Variants in LYST observed in about 807,000 individuals in gnomAD.
LYST encodes lysosomal-trafficking regulator.
Under a neutral mutation model 413.6 loss-of-function variants are expected in LYST, and 192 were observed. The observed-to-expected ratio is 0.46, with a 90% CI of 0.41 to 0.52. The LOEUF is 0.52. Ranked by LOEUF, LYST falls within the 20% of genes least tolerant of loss-of-function variation. The pLI is 0.00. For missense variants in LYST, 3,815 were observed against 4,499.9 expected, an observed-to-expected ratio of 0.85 and a Z score of 4.35; for synonymous variants, 1,525 against 1,567.3, an observed-to-expected ratio of 0.97 and a Z score of 0.64.
intron 48 of LYST, among the ~76,000 whole-genome samples, chr1:235,681,854 T>A (rs918761274): frequency 7.2e-5 from 11 of 152,186 alleles, no homozygotes; most frequent in African/African-American, 2.7e-4. Flanking sequence ...TTCTATTTTA[T>A]ATTCTGTGTA....
upstream of LYST, among the ~76,000 whole-genome samples, chr1:235,869,044 A>G (rs997705944): frequency 6.6e-6 from 1 of 152,246 alleles, no homozygotes; most frequent in Non-Finnish European, 1.5e-5. Flanking sequence ...TTTATTCAAT[A>G]GTATCTTAGA....
intron 1 of LYST, among the ~76,000 whole-genome samples, chr1:235,858,062 T>C (rs1220453049): frequency 6.6e-6 from 1 of 152,218 alleles, no homozygotes; most frequent in African/African-American, 2.4e-5. Flanking sequence ...AGAAGCTATA[T>C]ATTCTGGGGA....
At position 235,806,452 on chromosome 1, in the gene LYST, A is replaced by T; in HGVS notation, c.2684T>A (p.Ile895Asn). Residue 895 changes from isoleucine to asparagine, a missense_variant, in exon 6 of 53, where the codon ATC becomes AAC. Around this residue, in one of 4 missense-constraint regions of LYST, gnomAD observed 1,648 missense variants for 1,810.3 expected, o/e 0.91. Transcript: ENST00000389793. ...ACAGAGGAATAGGTTTATTGTGTTG[A>T]TATGAACATCTTGGTTAACAGTCTT... ...RRKTVNQDVH[I>N]NTINLFLCVA... 6.2e-7 allele frequency: 1 copy of T among 1,614,086 alleles called. No individual in the cohort carries two copies.
chr1:235,712,999 C>T, intron 42 of LYST: 1 of 985,382 alleles, frequency 1.0e-6, no homozygotes, highest in South Asian at 4.7e-5. Flanking sequence ...TAAAACTCCT[C>T]TGAACTTGTT....
chr1:235,857,148 T>A (rs897709952), intron 1 of LYST, among the ~76,000 whole-genome samples: 1 of 152,144 alleles, frequency 6.6e-6, no homozygotes, highest in African/African-American at 2.4e-5. Flanking sequence ...GGTTTCACCA[T>A]GTTGGCCAGG....
At chr1:235,819,732 G>T (rs772065981) in intron 3 of LYST, among the ~76,000 whole-genome samples, 1 of 152,098 alleles carries the variant, frequency 6.6e-6, no homozygotes, top group Non-Finnish European at 1.5e-5. Flanking sequence ...TGCAAGCTCT[G>T]CCTCCCAGGT....
intron 10 of LYST, among the ~76,000 whole-genome samples, chr1:235,796,557 CAAGTTGA>C (rs1234610954): frequency 4.6e-5 from 7 of 152,276 alleles, no homozygotes; most frequent in Admixed American, 2.0e-4. Flanking sequence ...CTCCAAAACT[CAAGTTGA>C]AATTTGGTTG....
intron 1 of LYST, among the ~76,000 whole-genome samples, chr1:235,873,859 C>G (rs1681036183): frequency 6.6e-6 from 1 of 152,216 alleles, no homozygotes; most frequent in South Asian, 2.1e-4. Context: ...ATTTGAAATA[C>G]AGGTTTCCTA....
intron 14 of LYST, among the ~76,000 whole-genome samples, chr1:235,786,816 G>A (rs1022023528): frequency 2.0e-5 from 3 of 147,230 alleles, no homozygotes; most frequent in Admixed American, 7.0e-5. Context: ...ACCAAACACC[G>A]CATGTTCTCA....
rs148445520 is a variant in LYST, at chr1:235,674,656, C to T, written c.11038+2435G>A. ...AAAGGAATAGCTGAACAATTAGGTC[C>T]TACCAGTCAGATGGCTTAGGAAAAT... On this transcript the variant is annotated intron_variant, in intron 50 of 52. Transcript: ENST00000389793. The surrounding 1 kb of genome is among the most constrained non-coding windows in gnomAD (Gnocchi z 4.1). 1.0e-3 allele frequency among the ~76,000 whole-genome samples: 159 copies of T among 152,208 alleles called. No homozygotes were observed. The highest frequency in any genetic ancestry group is 3.6e-3 in the African/African-American group (149 of 41,518).
At position 235,721,423 on chromosome 1, in the gene LYST, T is replaced by C. The variant is rs112405035; in HGVS notation, c.9316-518A>G. Among the ~76,000 whole-genome samples the C allele has an allele frequency of 4.6e-3, 703 of 152,310 alleles. 1 individual carries two copies. The highest frequency in any genetic ancestry group is 7.7e-3 in the Non-Finnish European group (523 of 68,028). ...ATTTTCACTACTGATTGAAAACATA[T>C]ATAAACTCTTTTTTAGAGATTCACA... On this transcript the variant is annotated intron_variant, in intron 39 of 52. Coordinates refer to ENST00000389793, the MANE Select transcript of LYST (RefSeq NM_000081.4).
intron 37 of LYST, among the ~76,000 whole-genome samples, chr1:235,728,843 T>G (rs997291626): frequency 6.6e-5 from 10 of 152,196 alleles, no homozygotes; most frequent in Admixed American, 1.3e-4. Flanking sequence ...TCTTGGACCT[T>G]GGAGGCTATA....
Position 235,661,910 on chromosome 1 carries a change from C to G in LYST, c.*1030G>C, listed in dbSNP as rs377030326. The G allele has an allele frequency of 1.3e-5, 2 of 152,358 alleles. No homozygotes were observed. The highest frequency in any genetic ancestry group is 2.9e-5 in the Non-Finnish European group (2 of 68,022). The allele number at this position is 152,358 out of a possible 1,614,324, so 9.4% of individuals were successfully genotyped here. Reference sequence around the variant, plus strand: ...AATACACGAGATTTTATTATTCTTCCTAGAATTCTCAGATGGTATAGGTTA... The same window carrying G: ...AATACACGAGATTTTATTATTCTTCGTAGAATTCTCAGATGGTATAGGTTA... On this transcript the variant is annotated 3_prime_UTR_variant, in exon 53 of 53. Coordinates refer to ENST00000389793, the MANE Select transcript of LYST (RefSeq NM_000081.4).
Position 235,693,384 on chromosome 1 carries a change from G to A in LYST, c.10667C>T (p.Pro3556Leu). 6.2e-7 allele frequency: 1 copy of A among 1,612,920 alleles called. No individual in the cohort carries two copies. Among genetic ancestry groups the A allele is most frequent in the South Asian group, 1.1e-5 (1 of 91,040 alleles). The change falls in exon 47 of 53, where the codon CCA becomes CTA. Residue 3556 changes from proline to leucine, a missense_variant. Around this residue, in one of 4 missense-constraint regions of LYST, gnomAD observed 866 missense variants for 1,156.0 expected, o/e 0.75. Transcript: ENST00000389793. ...LRLKSKQSEP[P>L]VNFIQSSQQY... ...TTGTGAACTTTGAATAAAGTTTACT[G>A]GAGGCTCACTTTGTTTACTCTTCAA...
chr1:235,741,444 T>C lies in LYST; in HGVS notation c.8336A>G (p.Asp2779Gly). 1.2e-6 allele frequency: 2 copies of C among 1,614,028 alleles called. No individual in the cohort carries two copies. The highest frequency in any genetic ancestry group is 1.7e-6 in the Non-Finnish European group (2 of 1,179,920). The change falls in exon 31 of 53, where the codon GAC (aspartate) becomes GGC (glycine). Residue 2779 changes from aspartate to glycine, a missense_variant. Asp to Gly is a moderately conservative substitution (Grantham distance 94). Around this residue, in one of 4 missense-constraint regions of LYST, gnomAD observed 771 missense variants for 837.1 expected, o/e 0.92. Coordinates refer to ENST00000389793, the MANE Select transcript of LYST (RefSeq NM_000081.4). The stretch of plus-strand genomic sequence containing the variant: ...TACTTGTAGGGATGGGCTGAGACAG[T>C]CTCGTAGTATTTCCTGATGATTTGG... Reference protein sequence around the residue: ...HEPNHQEILRDCLSPSLQHGA... With the variant: ...HEPNHQEILRGCLSPSLQHGA...
chr1:235,871,466 A>C (rs1250965087), upstream of LYST, among the ~76,000 whole-genome samples: 2 of 152,258 alleles, frequency 1.3e-5, no homozygotes, highest in African/African-American at 4.8e-5. Flanking sequence ...GAAATGTCCT[A>C]GTACTTTAAG....
In LYST at chr1:235,751,229, T is replaced by C. The variant is rs139917441; in HGVS notation, c.7761A>G (p.Gln2587=). The C allele has an allele frequency of 7.4e-6, 12 of 1,613,782 alleles. No homozygotes were observed. The highest frequency in any genetic ancestry group is 1.6e-4 in the Middle Eastern group (1 of 6,082). ...ACTCGCCAGCAATGCTTTTCCGCTT[T>C]TGAACTACTGCATGATGGGGAGCAG... is the stretch of plus-strand genomic sequence containing the variant. ...SPSAPHHAVV[Q]KRKSIAGPRK... The change falls in exon 28 of 53, where the codon CAA becomes CAG. Residue 2587 remains glutamine, a synonymous_variant. Transcript: ENST00000389793.
chr1:235,794,306 A>T (rs1449684820), intron 10 of LYST, among the ~76,000 whole-genome samples: 1 of 152,178 alleles, frequency 6.6e-6, no homozygotes, highest in Non-Finnish European at 1.5e-5. Flanking sequence ...TAAGTACGAA[A>T]TTAGATGACA....
chr1:235,739,313 GC>G (rs1572112474), intron 31 of LYST, among the ~76,000 whole-genome samples: 1 of 152,160 alleles, frequency 6.6e-6, no homozygotes, highest in East Asian at 1.9e-4. Flanking sequence ...TGCACATGCT[GC>G]AGTTGGCCCT....
Sources: allele counts gnomAD v4.1 joint callset (sites outside exome capture counted in the v4.1 genomes callset), GRCh38; gene constraint gnomAD v4.1.1; regional missense constraint gnomAD v4.1.1; non-coding constraint Gnocchi (gnomAD v3.1); transcripts MANE v1.5; gene names NCBI Gene and HGNC (gene_info 2026-07-23, HGNC 2026-07-21).